The following CTNNA2 variants were observed in gnomAD, a reference collection of about 807,000 sequenced individuals.
CTNNA2 encodes catenin alpha 2, also known as catenin alpha-2.
In CTNNA2, 42 loss-of-function variants were observed where a neutral mutation model predicts 101.0. That is an observed-to-expected ratio of 0.42 (90% CI 0.32 to 0.54). The LOEUF (loss-of-function observed/expected upper bound fraction) is 0.54. Among genes scored for constraint, CTNNA2 ranks in the 20% least tolerant of loss-of-function variants. CTNNA2 has a pLI of 0.14. For missense variants in CTNNA2, 871 were observed against 1,223.1 expected, an observed-to-expected ratio of 0.71 and a Z score of 4.29; for synonymous variants, 450 against 456.4, an observed-to-expected ratio of 0.99 and a Z score of 0.18.
chr2:79,703,391 C>G (rs76968046), intron 2 of CTNNA2, among the ~76,000 whole-genome samples: 3,795 of 152,158 alleles, frequency 0.025, 149 homozygotes, highest in African/African-American at 0.085. Context: ...TTCAATTTCT[C>G]TTAAGTGTTA....
intron 9 of CTNNA2, among the ~76,000 whole-genome samples, chr2:80,420,977 A>G (rs193171552): frequency 1.3e-5 from 2 of 152,328 alleles, no homozygotes; most frequent in Non-Finnish European, 2.9e-5. Flanking sequence ...CATATCAGGC[A>G]AGCCTTCTAT....
chr2:80,447,603 G>A (rs561032161), intron 9 of CTNNA2, among the ~76,000 whole-genome samples: 17 of 152,344 alleles, frequency 1.1e-4, no homozygotes, highest in South Asian at 1.0e-3. Context: ...TGGGGGAAAA[G>A]CTCCTAGTGG....
At chr2:79,706,018 T>C (rs1044794179) in intron 2 of CTNNA2, among the ~76,000 whole-genome samples, 3 of 151,974 alleles carry the variant, frequency 2.0e-5, no homozygotes, top group Non-Finnish European at 4.4e-5. Flanking sequence ...TAAAGATAAC[T>C]GTATGCCAGA....
intron 2 of CTNNA2, among the ~76,000 whole-genome samples, chr2:79,699,915 T>C (rs1398205620): frequency 2.0e-5 from 3 of 148,214 alleles, no homozygotes; most frequent in Non-Finnish European, 3.0e-5. Flanking sequence ...CCTATGTGTG[T>C]ATATATGTAT....
At chr2:80,056,883 T>C (rs1424674955) in intron 7 of CTNNA2, among the ~76,000 whole-genome samples, 1 of 152,180 alleles carries the variant, frequency 6.6e-6, no homozygotes, top group Admixed American at 6.6e-5. Context: ...ATCTTCATCA[T>C]AAACTCAGTC....
intron 9 of CTNNA2, among the ~76,000 whole-genome samples, chr2:80,438,719 TC>T (rs75011087): frequency 0.11 from 16,810 of 152,150 alleles, 1,775 homozygotes; most frequent in East Asian, 0.54. Flanking sequence ...TGAGTCGAGA[TC>T]CAACTAGTGA....
At chr2:79,426,625 A>T (rs1192731162) in intron 4 of CTNNA2, among the ~76,000 whole-genome samples, 1 of 152,154 alleles carries the variant, frequency 6.6e-6, no homozygotes, top group African/African-American at 2.4e-5. Flanking sequence ...TGAATAAACC[A>T]TTGCATTATC....
At chr2:80,093,358 T>G (rs1464079384) in intron 7 of CTNNA2, among the ~76,000 whole-genome samples, 1 of 152,220 alleles carries the variant, frequency 6.6e-6, no homozygotes, top group Admixed American at 6.5e-5. Flanking sequence ...GGCTGCATAG[T>G]ATTCCATGGT....
intron 12 of CTNNA2, among the ~76,000 whole-genome samples, chr2:80,558,446 GT>G (rs1315109905): frequency 1.9e-3 from 15 of 7,728 alleles, no homozygotes; most frequent in Non-Finnish European, 0.014. Context: ...TTTTGTTGGT[GT>G]GTGTGTGTGT....
chr2:80,624,637 G>T (rs1458097207), intron 18 of CTNNA2, among the ~76,000 whole-genome samples: 2 of 151,812 alleles, frequency 1.3e-5, no homozygotes, highest in Non-Finnish European at 2.9e-5. Flanking sequence ...CAGATTGCCA[G>T]AATCTTCTGT....
Position 80,280,372 on chromosome 2 carries a change from A to G in CTNNA2, c.1057-112839A>G, listed in dbSNP as rs1176901549. On this transcript the variant is annotated intron_variant, in intron 7 of 18. Coordinates refer to ENST00000402739, the MANE Select transcript of CTNNA2 (RefSeq NM_001282597.3). ...CGTCAACCCATAAGTTGGTCTATAC[A>G]TATCAACTTAAATTCTGGAGCCTTA... is the stretch of plus-strand genomic sequence containing the variant. Among the ~76,000 whole-genome samples, 4 of 151,452 alleles carry G rather than the reference A, an allele frequency of 2.6e-5. No individual in the cohort carries two copies. The East Asian group carries it at 8.1e-4, about 31-fold the overall frequency.
chr2:79,332,648 G>A (rs908718198), intron 3 of CTNNA2, among the ~76,000 whole-genome samples: 1 of 152,142 alleles, frequency 6.6e-6, no homozygotes, highest in African/African-American at 2.4e-5. Flanking sequence ...ATCCTACAGG[G>A]CTAAACAATT....
chr2:79,533,298 TC>T (rs1446434217), intron 1 of CTNNA2, among the ~76,000 whole-genome samples: 1 of 152,128 alleles, frequency 6.6e-6, no homozygotes, highest in African/African-American at 2.4e-5. Flanking sequence ...TAAGCTTTAT[TC>T]ATCTAAGTAT....
intron 7 of CTNNA2, among the ~76,000 whole-genome samples, chr2:80,105,734 A>C (rs780019166): frequency 1.1e-4 from 16 of 142,332 alleles, no homozygotes; most frequent in Admixed American, 1.4e-4. Context: ...ATCTTGTCTC[A>C]AAAAAAAAAA....
At chr2:80,187,756 A>G (rs1482260641) in intron 7 of CTNNA2, among the ~76,000 whole-genome samples, 2 of 152,122 alleles carry the variant, frequency 1.3e-5, no homozygotes, top group African/African-American at 4.8e-5. Context: ...GCTTATAGTT[A>G]TCACAGATGC....
At chr2:79,471,590 G>T (rs1371566305) in intron 4 of CTNNA2, among the ~76,000 whole-genome samples, 1 of 152,134 alleles carries the variant, frequency 6.6e-6, no homozygotes, top group African/African-American at 2.4e-5. Context: ...TGCAATCCCA[G>T]CACTTTGGGA....
At chr2:79,237,870 T>A (rs938604883) in intron 2 of CTNNA2, among the ~76,000 whole-genome samples, 2 of 152,230 alleles carry the variant, frequency 1.3e-5, no homozygotes, top group Non-Finnish European at 2.9e-5. Flanking sequence ...TTTACGGGAA[T>A]GTTGTGGCTT....
At position 79,350,411 on chromosome 2, in the gene CTNNA2, T is replaced by G. The variant is rs116415853; in HGVS notation, c.-317-23420T>G. On this transcript the variant is annotated intron_variant, in intron 3 of 21. Transcript: ENST00000466387. ...TTTGATTTTCTGTTTCTAAGCTGTT[T>G]CACTTAGGATAATGGCCTCCAGCTC... Among the ~76,000 whole-genome samples the G allele has an allele frequency of 7.3e-3, 1,111 of 152,340 alleles. 9 individuals carry two copies. The highest frequency in any genetic ancestry group is 0.024 in the Middle Eastern group (7 of 294).
chr2:79,418,043 T>A (rs1414442468), intron 4 of CTNNA2, among the ~76,000 whole-genome samples: 1 of 151,810 alleles, frequency 6.6e-6, no homozygotes, highest in Non-Finnish European at 1.5e-5. Context: ...GTATGGGGAG[T>A]GCTGATTGCT....
Sources: gnomAD v4.1 joint callset for allele counts (sites outside exome capture counted in the v4.1 genomes callset) on GRCh38, gnomAD v4.1.1 for gene constraint, MANE v1.5 for transcripts, NCBI Gene and HGNC (gene_info 2026-07-23, HGNC 2026-07-21) for gene names.